The following ORC4 variants were observed in gnomAD, a reference collection of about 807,000 sequenced individuals.
The protein encoded by ORC4 is origin recognition complex subunit 4, also known as origin recognition complex, subunit 4 homolog.
Under a neutral mutation model 63.9 loss-of-function variants are expected in ORC4, and 55 were observed. The ratio of observed to expected loss-of-function variants is 0.86; its 90% CI spans 0.69 to 1.08. The LOEUF is 1.08. Among genes scored for constraint, ORC4 ranks in the 50% least tolerant of loss-of-function variants. The probability of loss-of-function intolerance (pLI) is 0.00; values close to 1 mark genes in which losing one functional copy is unlikely to be tolerated. For synonymous variants in ORC4, 150 were observed against 168.5 expected (o/e 0.89, Z 0.85); for missense variants, 511 against 504.4 (o/e 1.01, Z -0.13).
At chr2:147,970,106 T>C (rs561363340) in intron 4 of ORC4, among the ~76,000 whole-genome samples, 17 of 152,152 alleles carry the variant, frequency 1.1e-4, no homozygotes, top group Middle Eastern at 3.4e-3. Context: ...ACAGTACTAT[T>C]CGCACTAGAA....
intron 1 of ORC4, among the ~76,000 whole-genome samples, chr2:148,008,244 G>T (rs1439877203): frequency 1.3e-5 from 2 of 152,188 alleles, no homozygotes; most frequent in Non-Finnish European, 2.9e-5. Context: ...TAAGTGCACA[G>T]ATAAATACAG....
chr2:147,933,820 A>G lies in ORC4; in HGVS notation c.*1690T>C, dbSNP rs1687904353. ...CCTAAAAATGTGTAGACTACGGCAC[A>G]GATTGAGTATGCAAGCCTTAGCTTG... On this transcript the variant is annotated 3_prime_UTR_variant, in exon 14 of 14. Transcript: ENST00000392857. 1 of 152,038 alleles carries G rather than the reference A, an allele frequency of 6.6e-6. No individual in the cohort carries two copies. Among genetic ancestry groups the G allele is most frequent in the South Asian group, 2.1e-4 (1 of 4,822 alleles). The allele number at this position is 152,038 out of a possible 1,614,324, so 9.4% of individuals were successfully genotyped here. A position where few individuals can be genotyped will look rare whatever the true frequency, so the allele number is the denominator to read the frequency against.
chr2:147,963,410 C>T lies in ORC4; in HGVS notation c.226-4544G>A, dbSNP rs367592870. On this transcript the variant is annotated intron_variant, in intron 4 of 13. Coordinates refer to ENST00000392857, the MANE Select transcript of ORC4 (RefSeq NM_181741.4). Reference sequence around the variant, plus strand: ...AGGCCTGAGAAACAGCCTCACAGGACGCCTCTAGTGGGCATGCCCATAAGC... The same window carrying T: ...AGGCCTGAGAAACAGCCTCACAGGATGCCTCTAGTGGGCATGCCCATAAGC... Among the ~76,000 whole-genome samples the T allele has an allele frequency of 1.1e-3, 167 of 152,256 alleles. 1 individual carries two copies. The highest frequency in any genetic ancestry group is 3.5e-3 in the South Asian group (17 of 4,826).
chr2:147,976,084 G>A, intron 1 of ORC4, 109 bp from the exon 2 acceptor site: 1 of 697,282 alleles, frequency 1.4e-6, no homozygotes, highest in Non-Finnish European at 2.6e-6. Context: ...AGTAAAAAAT[G>A]CTCAAACCCT....
intron 4 of ORC4, among the ~76,000 whole-genome samples, chr2:147,968,987 T>C (rs1375619092): frequency 3.3e-5 from 5 of 151,730 alleles, no homozygotes; most frequent in Non-Finnish European, 5.9e-5. Context: ...CACAGCAACA[T>C]AGATGGAACT....
At chr2:147,950,611 A>G (rs893073503) in intron 8 of ORC4, among the ~76,000 whole-genome samples, 1 of 152,032 alleles carries the variant, frequency 6.6e-6, no homozygotes, top group African/African-American at 2.4e-5. Context: ...CTAAACATAC[A>G]AAAATTAGCC....
At chr2:148,014,023 G>A (rs1693122694) in intron 1 of ORC4, among the ~76,000 whole-genome samples, 3 of 152,100 alleles carry the variant, frequency 2.0e-5, no homozygotes, top group Admixed American at 2.0e-4. Context: ...CTGAGCTAAT[G>A]GAAGATGTGC....
chr2:148,013,399 A>G (rs1180482439), intron 1 of ORC4, among the ~76,000 whole-genome samples: 4 of 152,228 alleles, frequency 2.6e-5, no homozygotes, highest in African/African-American at 4.8e-5. Flanking sequence ...TAGTGAGTAA[A>G]AAGATGTTAG....
chr2:147,962,919 A>G (rs1689688781), intron 4 of ORC4, among the ~76,000 whole-genome samples: 1 of 152,068 alleles, frequency 6.6e-6, no homozygotes, highest in Admixed American at 6.5e-5. Context: ...CCGAGCAGCC[A>G]TGAGCCATGA....
chr2:148,012,837 A>G (rs1315762881), intron 1 of ORC4, among the ~76,000 whole-genome samples: 1 of 152,228 alleles, frequency 6.6e-6, no homozygotes, highest in Non-Finnish European at 1.5e-5. Context: ...ATATGAAAAA[A>G]ATGTTCCACA....
rs1028342234 is a variant in ORC4, at chr2:147,970,762, C to T, written c.225+1977G>A. Among the ~76,000 whole-genome samples the T allele has an allele frequency of 3.9e-5, 6 of 152,012 alleles. No individual in the cohort carries two copies. The South Asian group carries it at 6.2e-4, about 16-fold the overall frequency. On this transcript the variant is annotated intron_variant, in intron 4 of 13. Transcript: ENST00000392857. ...CATAGGAAAAAATCTACATGACTTTCGGTTTGGTGATGAAGCTTCAGATAC... is the reference window on the plus strand; with the variant it reads ...CATAGGAAAAAATCTACATGACTTTTGGTTTGGTGATGAAGCTTCAGATAC...
upstream of ORC4, chr2:148,021,501 GCTGCTGCTGCTA>G (rs1416304352): frequency 1.8e-6 from 1 of 563,206 alleles, no homozygotes; most frequent in South Asian, 1.5e-5. Flanking sequence ...TGCTGCTACT[GCTGCTGCTGCTA>G]CTGCTGCTGC....
At position 147,930,981 on chromosome 2, in the gene ORC4, T is replaced by TATC. The variant is rs1417250077; in HGVS notation, c.*4526_*4528dup. ...CTAACTCGTCATCTAGCATTAGGTA[T>TATC]ATCTCCTAATGCTATCCCTCCCCCA... On this transcript the variant is annotated 3_prime_UTR_variant, in exon 14 of 14. Transcript: ENST00000392857. The TATC allele has an allele frequency of 2.0e-5, 3 of 149,802 alleles. No homozygotes were observed. The highest frequency in any genetic ancestry group is 7.3e-5 in the African/African-American group (3 of 40,876). The allele number at this position is 149,802 out of a possible 1,614,324, so 9.3% of individuals were successfully genotyped here.
intron 4 of ORC4, among the ~76,000 whole-genome samples, chr2:147,970,797 A>G (rs1690167271): frequency 1.3e-5 from 2 of 152,124 alleles, no homozygotes; most frequent in Non-Finnish European, 2.9e-5. Context: ...CAATACCAAA[A>G]TCATAATACA....
chr2:147,946,147 C>T (rs1688647460), intron 9 of ORC4, among the ~76,000 whole-genome samples: 1 of 152,068 alleles, frequency 6.6e-6, no homozygotes, highest in African/African-American at 2.4e-5. Flanking sequence ...TACTTCTTCA[C>T]CAGTAACTCC....
intron 1 of ORC4, among the ~76,000 whole-genome samples, chr2:147,986,790 T>TACACAC (rs70992183): frequency 0.083 from 12,357 of 148,480 alleles, 1,009 homozygotes; most frequent in African/African-American, 0.22. Context: ...CACACACACA[T>TACACAC]ACACACACAC....
chr2:148,013,903 A>G (rs908673979), intron 1 of ORC4, among the ~76,000 whole-genome samples: 2 of 152,222 alleles, frequency 1.3e-5, no homozygotes, highest in African/African-American at 4.8e-5. Context: ...AAGTAATGTG[A>G]AATTACTTAC....
chr2:147,955,214 T>C (rs368272680), intron 7 of ORC4, 133 bp downstream of exon 7: 21 of 646,810 alleles, frequency 3.2e-5, no homozygotes, highest in East Asian at 2.5e-4. Context: ...ACAGTGAACA[T>C]TGTATTCTTT....
At chr2:147,985,401 T>C (rs1691143546) in intron 1 of ORC4, among the ~76,000 whole-genome samples, 1 of 152,186 alleles carries the variant, frequency 6.6e-6, no homozygotes. Context: ...TTTCACCATG[T>C]TAGCCAGGAT....
Sources: gnomAD v4.1 joint callset for allele counts (sites outside exome capture counted in the v4.1 genomes callset) on GRCh38, gnomAD v4.1.1 for gene constraint, MANE v1.5 for transcripts, NCBI Gene and HGNC (gene_info 2026-07-23, HGNC 2026-07-21) for gene names.